Variants in SMARCD2 observed in about 807,000 individuals in gnomAD.
The protein encoded by SMARCD2 is SWI/SNF related BAF chromatin remodeling complex subunit D2.
SMARCD2 carries 39 observed loss-of-function variants against 70.4 expected under a neutral mutation model. The observed-to-expected ratio is 0.55, with a 90% CI of 0.43 to 0.72. SMARCD2 has a LOEUF of 0.72. Ranked by LOEUF, SMARCD2 falls within the 30% of genes least tolerant of loss-of-function variation. The pLI is 0.00. For missense variants in SMARCD2, 540 were observed against 713.4 expected, an observed-to-expected ratio of 0.76 and a Z score of 2.77; for synonymous variants, 249 against 279.4, an observed-to-expected ratio of 0.89 and a Z score of 1.08.
rs779387625 is a variant in SMARCD2 at position 63,833,433 on chromosome 17, C to G, written c.1318-13G>C. On this transcript the variant is annotated splice_polypyrimidine_tract_variant and intron_variant, in intron 10 of 12. Coordinates refer to ENST00000448276, the MANE Select transcript of SMARCD2 (RefSeq NM_001098426.2). The surrounding 1 kb of genome is among the most constrained non-coding windows in gnomAD (Gnocchi z 4.3). ...TGGTCTCATGGATCTGGAGAGGGTA[C>G]CTGTGTCAGACTGTGCCCCCAAAGC... 9 of 1,613,692 alleles carry G rather than the reference C, an allele frequency of 5.6e-6. No homozygotes were observed. In the South Asian group the frequency reaches 9.9e-5, roughly 18 times the overall value.
chr17:63,836,868 G>C, intron 4 of SMARCD2, 54 bp downstream of exon 4: 1 of 1,577,532 alleles, frequency 6.3e-7, no homozygotes, highest in Non-Finnish European at 8.7e-7. Flanking sequence ...GAAAACAAGG[G>C]GGTGGAAGGC....
chr17:63,840,024 G>A (rs1051732731), intron 1 of SMARCD2, among the ~76,000 whole-genome samples: 8 of 152,186 alleles, frequency 5.3e-5, no homozygotes, highest in East Asian at 1.9e-4. Flanking sequence ...AGCTACTCAG[G>A]AGGCTTGAGG....
Position 63,837,027 on chromosome 17 carries a change from T to C in SMARCD2, c.462A>G (p.Pro154=). 1.9e-6 allele frequency: 3 copies of C among 1,613,584 alleles called. No homozygotes were observed. Among genetic ancestry groups the C allele is most frequent in the Non-Finnish European group, 1.7e-6 (2 of 1,179,474 alleles). Residue 154 remains proline (P), a synonymous_variant, in exon 4 of 13, where the codon CCA becomes CCG. Coordinates refer to ENST00000448276, the MANE Select transcript of SMARCD2 (RefSeq NM_001098426.2). The surrounding 1 kb of genome is among the most constrained non-coding windows in gnomAD (Gnocchi z 6.4). ...VLPQRIRELV[P]ESQAYMDLLA... ...AGAGATCCATGTACGCCTGAGACTC[T>C]GGAACAAGCTCCCGGATCTGAAGGA... is the stretch of plus-strand genomic sequence containing the variant.
At position 63,837,209 on chromosome 17, in the gene SMARCD2, C is replaced by A; in HGVS notation, c.430G>T (p.Val144Phe). The change falls in exon 3 of 13, where the codon GTT becomes TTT. Residue 144 changes from valine to phenylalanine, a missense_variant. Transcript: ENST00000448276. The surrounding 1 kb of genome is among the most constrained non-coding windows in gnomAD (Gnocchi z 6.4). ...TTAACACTTACTCGCTGAGGTAGAACCTTATCTGCCATCTTCCTCCTCTTT... is the reference window on the plus strand; with the variant it reads ...TTAACACTTACTCGCTGAGGTAGAAACTTATCTGCCATCTTCCTCCTCTTT... ...GLKRRKMADK[V>F]LPQRIRELVP... The A allele has an allele frequency of 6.2e-7, 1 of 1,613,820 alleles. No homozygotes were observed. Among genetic ancestry groups the A allele is most frequent in the Non-Finnish European group, 8.5e-7 (1 of 1,179,860 alleles).
intron 1 of SMARCD2, among the ~76,000 whole-genome samples, chr17:63,839,929 C>A (rs906570352): frequency 6.6e-6 from 1 of 152,226 alleles, no homozygotes; most frequent in South Asian, 2.1e-4. Context: ...GAGTTCGAGA[C>A]CATCCTGGCC....
chr17:63,833,452 C>T lies in SMARCD2; in HGVS notation c.1318-32G>A, dbSNP rs768136075. The stretch of plus-strand genomic sequence containing the variant: ...AGGGTACCTGTGTCAGACTGTGCCC[C>T]CAAAGCTTACATGCAAGCAACTGAG... On this transcript the variant is annotated intron_variant, in intron 10 of 12. Coordinates refer to ENST00000448276, the MANE Select transcript of SMARCD2 (RefSeq NM_001098426.2). The surrounding 1 kb of genome is among the most constrained non-coding windows in gnomAD (Gnocchi z 4.3). The T allele has an allele frequency of 1.9e-6, 3 of 1,612,584 alleles. No homozygotes were observed. Among genetic ancestry groups the T allele is most frequent in the South Asian group, 1.1e-5 (1 of 90,978 alleles).
In SMARCD2 at chr17:63,834,864, C is replaced by T; in HGVS notation, c.724-64G>A. On this transcript the variant is annotated intron_variant, in intron 5 of 12. Coordinates refer to ENST00000448276, the MANE Select transcript of SMARCD2 (RefSeq NM_001098426.2). The surrounding 1 kb of genome is among the most constrained non-coding windows in gnomAD (Gnocchi z 5.6). ...TCTCAAATCTCAAGCTATGCTAAAT[C>T]CCAAGAAAGAGAAGCCCCATTTCAG... 8.5e-7 allele frequency: 1 copy of T among 1,173,894 alleles called. No individual in the cohort carries two copies. The highest frequency in any genetic ancestry group is 1.3e-6 in the Non-Finnish European group (1 of 784,746). The allele number at this position is 1,173,894 out of a possible 1,614,324, so 72.7% of individuals were successfully genotyped here. A position where few individuals can be genotyped will look rare whatever the true frequency, so the allele number is the denominator to read the frequency against.
In SMARCD2 at chr17:63,833,444, C is replaced by G. The variant is rs1308213654; in HGVS notation, c.1318-24G>C. On this transcript the variant is annotated intron_variant, in intron 10 of 12. Coordinates refer to ENST00000448276, the MANE Select transcript of SMARCD2 (RefSeq NM_001098426.2). The surrounding 1 kb of genome is among the most constrained non-coding windows in gnomAD (Gnocchi z 4.3). ...ATCTGGAGAGGGTACCTGTGTCAGA[C>G]TGTGCCCCCAAAGCTTACATGCAAG... The G allele has an allele frequency of 5.0e-6, 8 of 1,613,056 alleles. No individual in the cohort carries two copies. Among genetic ancestry groups the G allele is most frequent in the Non-Finnish European group, 6.8e-6 (8 of 1,179,372 alleles).
At chr17:63,842,346 C>A (rs991786745) in intron 1 of SMARCD2, 113 bp downstream of exon 1, 2 of 1,192,990 alleles carry the variant, frequency 1.7e-6, no homozygotes, top group Non-Finnish European at 2.1e-6. Flanking sequence ...TCCACCGTCT[C>A]CCGGAGTTCC....
Position 63,832,928 on chromosome 17 carries a change from C to A in SMARCD2, c.*10G>T. 6.4e-7 allele frequency: 1 copy of A among 1,558,106 alleles called. No individual in the cohort carries two copies. The highest frequency in any genetic ancestry group is 1.2e-5 in the South Asian group (1 of 84,334). On this transcript the variant is annotated 3_prime_UTR_variant, in exon 13 of 13. Coordinates refer to ENST00000448276, the MANE Select transcript of SMARCD2 (RefSeq NM_001098426.2). The stretch of plus-strand genomic sequence containing the variant: ...AGGCTCCAGGGCTGGGAAGAAAGAT[C>A]CCTGAGCAGTTAGGTCAGGCGAATT...
At chr17:63,839,267 G>A in intron 1 of SMARCD2, 2 of 985,030 alleles carry the variant, frequency 2.0e-6, no homozygotes, top group Non-Finnish European at 2.4e-6. Flanking sequence ...CTGAAGCAGT[G>A]GGTCCTGCAG....
chr17:63,833,092 C>T lies in SMARCD2; in HGVS notation c.1519G>A (p.Val507Ile). 1.2e-6 allele frequency: 2 copies of T among 1,601,930 alleles called. No individual in the cohort carries two copies. The highest frequency in any genetic ancestry group is 2.7e-5 in the African/African-American group (2 of 74,798). Reference sequence around the variant, plus strand: ...ACCTTGGCAAAGATGTGCCTGCCTACTGCTTCCTGGGCCCAGGGCTGGTGG... The same window carrying T: ...ACCTTGGCAAAGATGTGCCTGCCTATTGCTTCCTGGGCCCAGGGCTGGTGG... ...FYHQPWAQEA[V>I]GRHIFAKVQQ... The change falls in exon 12 of 13, where the codon GTA (valine) becomes ATA (isoleucine). Residue 507 changes from valine to isoleucine, a missense_variant. Coordinates refer to ENST00000448276, the MANE Select transcript of SMARCD2 (RefSeq NM_001098426.2). The surrounding 1 kb of genome is among the most constrained non-coding windows in gnomAD (Gnocchi z 4.3).
chr17:63,833,068 C>A lies in SMARCD2; in HGVS notation c.1542+1G>T. 6.3e-7 allele frequency: 1 copy of A among 1,594,380 alleles called. No individual in the cohort carries two copies. Among genetic ancestry groups the A allele is most frequent in the African/African-American group, 1.3e-5 (1 of 74,598 alleles). ...GGAGGGAAAACAGGGCAGAGCCTCACCTTGGCAAAGATGTGCCTGCCTACT... is the reference window on the plus strand; with the variant it reads ...GGAGGGAAAACAGGGCAGAGCCTCAACTTGGCAAAGATGTGCCTGCCTACT... On this transcript the variant is annotated splice_donor_variant, in intron 12 of 12. Coordinates refer to ENST00000448276, the MANE Select transcript of SMARCD2 (RefSeq NM_001098426.2). LOFTEE classifies it high-confidence loss of function. This position sits in a 1 kb window ranked among gnomAD's most constrained non-coding sequence, Gnocchi z 4.3.
rs933477532 is a variant in SMARCD2, at chr17:63,835,649, T to C, written c.568-82A>G. The C allele has an allele frequency of 4.6e-5, 64 of 1,392,742 alleles. No individual in the cohort carries two copies. The Middle Eastern group carries it at 1.6e-3, about 35-fold the overall frequency. 86.3% of individuals were successfully genotyped at this position (1,392,742 alleles called of 1,614,324 possible). ...CTACCGCATCTTCTCATATGAACCA[T>C]TCAACAATCAGTACTGAGCACCATG... On this transcript the variant is annotated intron_variant, in intron 4 of 12. Transcript: ENST00000448276.
At position 63,832,218 on chromosome 17, in the gene SMARCD2, C is replaced by G. The variant is rs2040199762; in HGVS notation, c.*720G>C. On this transcript the variant is annotated 3_prime_UTR_variant, in exon 13 of 13. Transcript: ENST00000448276. ...GCCTCCCCATTCACCTTACCCTGGC[C>G]TCCACATGCACATACCCCATACCTC... is the stretch of plus-strand genomic sequence containing the variant. 1.8e-6 allele frequency: 1 copy of G among 561,960 alleles called. No homozygotes were observed. The highest frequency in any genetic ancestry group is 3.2e-6 in the Non-Finnish European group (1 of 312,776). The allele number at this position is 561,960 out of a possible 1,614,324, so 34.8% of individuals were successfully genotyped here.
intron 1 of SMARCD2, 199 bp downstream of exon 1, chr17:63,842,260 C>T: frequency 4.1e-6 from 4 of 969,842 alleles, no homozygotes; most frequent in Non-Finnish European, 5.2e-6. Flanking sequence ...TGCTTCCAGC[C>T]CTCCGCTGCA....
Position 63,833,613 on chromosome 17 carries a change from G to T in SMARCD2, c.1291C>A (p.Gln431Lys). 1 of 1,614,038 alleles carries T rather than the reference G, an allele frequency of 6.2e-7. No homozygotes were observed. Among genetic ancestry groups the T allele is most frequent in the Non-Finnish European group, 8.5e-7 (1 of 1,179,902 alleles). ...TTGACATCAAGGGAGGCGATCTCCT[G>T]CTGATTGGTGGTAGAGGCCAGAAAA... ...SNFLASTTNQ[Q>K]EIASLDVKIH... is the part of the protein sequence containing the mutation. Residue 431 changes from glutamine to lysine, a missense_variant, in exon 10 of 13, where the codon CAG becomes AAG. By Grantham distance (53) the Gln-to-Lys change is moderately conservative. Coordinates refer to ENST00000448276, the MANE Select transcript of SMARCD2 (RefSeq NM_001098426.2). The surrounding 1 kb of genome is among the most constrained non-coding windows in gnomAD (Gnocchi z 4.3).
At chr17:63,838,055 G>A (rs1419133080) in intron 1 of SMARCD2, among the ~76,000 whole-genome samples, 1 of 152,142 alleles carries the variant, frequency 6.6e-6, no homozygotes, top group Non-Finnish European at 1.5e-5. Flanking sequence ...TGGCTGAGAG[G>A]CACAGGGGCA....
At chr17:63,835,852 C>T (rs1311206844) in intron 4 of SMARCD2, among the ~76,000 whole-genome samples, 2 of 151,774 alleles carry the variant, frequency 1.3e-5, no homozygotes, top group Non-Finnish European at 2.9e-5. Context: ...CCTCAGTCTC[C>T]CATGTAGCTG....
Sources: allele counts gnomAD v4.1 joint callset (sites outside exome capture counted in the v4.1 genomes callset), GRCh38; gene constraint gnomAD v4.1.1; non-coding constraint Gnocchi (gnomAD v3.1); transcripts MANE v1.5; gene names NCBI Gene and HGNC (gene_info 2026-07-23, HGNC 2026-07-21).